TMC7: variants seen among roughly 807,000 people sequenced by gnomAD.
TMC7 encodes the protein transmembrane channel like 7, also known as transmembrane channel-like protein 7.
In TMC7, 54 loss-of-function variants were observed where a neutral mutation model predicts 82.9. The ratio of observed to expected loss-of-function variants is 0.65; its 90% confidence interval spans 0.52 to 0.82. The LOEUF (loss-of-function observed/expected upper bound fraction) is 0.82, where lower values mean the gene tolerates loss of function less well. Among genes scored for constraint, TMC7 ranks in the 40% least tolerant of loss-of-function variants. The pLI is 0.00. For missense variants in TMC7, 820 were observed against 901.2 expected (o/e 0.91, Z 1.15); for synonymous variants, 350 against 337.9 (o/e 1.04, Z -0.39).
intron 1 of TMC7, among the ~76,000 whole-genome samples, chr16:18,999,315 GCTTAATAGTCC>G (rs1296528715): frequency 6.6e-6 from 1 of 152,192 alleles, no homozygotes; most frequent in Non-Finnish European, 1.5e-5. Context: ...TATTTCAATT[GCTTAATAGTCC>G]CATGTGGCCA....
At position 19,030,253 on chromosome 16, in the gene TMC7, C is replaced by T. The variant is rs141948391; in HGVS notation, c.741C>T (p.Tyr247=). The change falls in exon 6 of 16, where the codon TAC becomes TAT. Residue 247 remains tyrosine, a synonymous_variant. Coordinates refer to ENST00000304381, the MANE Select transcript of TMC7 (RefSeq NM_024847.4). The part of the protein sequence containing the change: ...TGFLEETSLF[Y]GHYTIDGVKF... ...TCCTGGAGGAAACTAGCCTCTTTTA[C>T]GGACATTACACCATTGATGGGGTGA... is the stretch of plus-strand genomic sequence containing the variant. The T allele has an allele frequency of 3.2e-5, 52 of 1,612,376 alleles. No homozygotes were observed. In the African/African-American group the frequency reaches 5.2e-4, roughly 16 times the overall value.
At chr16:19,001,625 G>A (rs1264965757) in intron 1 of TMC7, among the ~76,000 whole-genome samples, 2 of 152,196 alleles carry the variant, frequency 1.3e-5, no homozygotes, top group African/African-American at 4.8e-5. Flanking sequence ...CAAGGCTGCA[G>A]TGAGCTATGA....
chr16:19,062,985 C>G lies in TMC7; in HGVS notation c.*1142C>G, dbSNP rs1182423418. 1 of 152,186 alleles carries G rather than the reference C, an allele frequency of 6.6e-6. No homozygotes were observed. Among genetic ancestry groups the G allele is most frequent in the East Asian group, 1.9e-4 (1 of 5,202 alleles). 9.4% of individuals were successfully genotyped at this position (152,186 alleles called of 1,614,324 possible). Reference sequence around the variant, plus strand: ...ATCTCCACTCCACTACTCAAAAATGCCTGAATCCTTGCTCAGAGGAGCAAA... The same window carrying G: ...ATCTCCACTCCACTACTCAAAAATGGCTGAATCCTTGCTCAGAGGAGCAAA... On this transcript the variant is annotated 3_prime_UTR_variant, in exon 16 of 16. Transcript: ENST00000304381.
At chr16:19,036,205 TG>T (rs751772032) in intron 7 of TMC7, among the ~76,000 whole-genome samples, 1 of 152,034 alleles carries the variant, frequency 6.6e-6, no homozygotes, top group Non-Finnish European at 1.5e-5. Flanking sequence ...TAGTGTGAGA[TG>T]GAGAGTATAT....
chr16:18,987,767 G>T (rs1277149760), intron 1 of TMC7, among the ~76,000 whole-genome samples: 1 of 152,102 alleles, frequency 6.6e-6, no homozygotes, highest in South Asian at 2.1e-4. Context: ...ACTGGCAGCC[G>T]TAACATAGTG....
chr16:19,056,353 T>C (rs1286149270), intron 13 of TMC7, among the ~76,000 whole-genome samples, 189 bp from the exon 14 acceptor site: 1 of 152,136 alleles, frequency 6.6e-6, no homozygotes, highest in Non-Finnish European at 1.5e-5. Flanking sequence ...CCCAAAGTGC[T>C]GGGATGACAT....
At chr16:19,000,140 C>G (rs997121665) in intron 1 of TMC7, among the ~76,000 whole-genome samples, 6 of 152,004 alleles carry the variant, frequency 3.9e-5, no homozygotes, top group Non-Finnish European at 8.8e-5. Flanking sequence ...CACAGATTAT[C>G]TGGACACCCT....
intron 6 of TMC7, 84 bp downstream of exon 6, chr16:19,030,453 C>T: frequency 6.8e-7 from 1 of 1,480,584 alleles, no homozygotes; most frequent in Non-Finnish European, 9.0e-7. Context: ...AAGCCATTGC[C>T]TAAAGGATGA....
chr16:19,057,167 G>A (rs1057483629), intron 14 of TMC7, among the ~76,000 whole-genome samples: 1 of 151,850 alleles, frequency 6.6e-6, no homozygotes, highest in Non-Finnish European at 1.5e-5. Context: ...AAATAAACTA[G>A]GCATAATAAT....
At chr16:19,051,870 T>C in intron 13 of TMC7, 54 bp downstream of exon 13, 5 of 1,604,650 alleles carry the variant, frequency 3.1e-6, no homozygotes, top group Non-Finnish European at 4.3e-6. Context: ...CCTCTTCCTC[T>C]TTTATGTAAA....
intron 11 of TMC7, among the ~76,000 whole-genome samples, chr16:19,046,300 T>C (rs2142287203): frequency 6.6e-6 from 1 of 152,300 alleles, no homozygotes; most frequent in Admixed American, 6.5e-5. Context: ...ATCTGTAAAA[T>C]GGGGATAGTA....
chr16:19,021,708 C>T lies in TMC7; in HGVS notation c.540C>T (p.Ile180=), dbSNP rs1202159153. The T allele has an allele frequency of 3.1e-6, 5 of 1,614,078 alleles. No homozygotes were observed. The highest frequency in any genetic ancestry group is 3.3e-5 in the Admixed American group (2 of 59,984). The change falls in exon 4 of 16, where the codon ATC becomes ATT. Residue 180 remains isoleucine (I), a synonymous_variant. Transcript: ENST00000304381. ...LVLLNLVIFL[I]IFMLVLLPVL... is the part of the protein sequence containing the mutation. ...TGCTGAATTTGGTGATATTTCTGATCATCTTTATGCTGGTTTTGCTCCCAG... is the reference window on the plus strand; with the variant it reads ...TGCTGAATTTGGTGATATTTCTGATTATCTTTATGCTGGTTTTGCTCCCAG...
chr16:18,984,115 C>CCGG lies in TMC7; in HGVS notation c.56_58dup (p.Ala19dup), dbSNP rs1415756707. 8.7e-6 allele frequency: 13 copies of CCGG among 1,502,806 alleles called. No homozygotes were observed. The highest frequency in any genetic ancestry group is 1.1e-5 in the Non-Finnish European group (13 of 1,133,878). 93.1% of individuals were successfully genotyped at this position (1,502,806 alleles called of 1,614,324 possible). A position where few individuals can be genotyped will look rare whatever the true frequency, so the allele number is the denominator to read the frequency against. On this transcript the variant is annotated inframe_insertion, in exon 1 of 16. Coordinates refer to ENST00000304381, the MANE Select transcript of TMC7 (RefSeq NM_024847.4). ...CCAGCCCGGCAGGCCCAGCCGGCAG[C>CCGG]CGGCGGTCCATCCAGGTAGGGCGGC...
chr16:19,055,772 C>T (rs190534780), intron 13 of TMC7, among the ~76,000 whole-genome samples: 3 of 152,136 alleles, frequency 2.0e-5, no homozygotes, highest in Admixed American at 1.3e-4. Context: ...AGGTTTGTTA[C>T]CTAGGTAAAT....
rs1273328512 is a variant in TMC7 at position 19,016,484 on chromosome 16, G to A, written c.346G>A (p.Glu116Lys). Residue 116 changes from glutamate (E) to lysine (K), a missense_variant, in exon 3 of 16, where the codon GAA (glutamate) becomes AAA (lysine). Transcript: ENST00000304381. Reference protein sequence around the residue: ...IQETQMKYLSEWDQWKRYSSK... With the variant: ...IQETQMKYLSKWDQWKRYSSK... ...AGAGACACAAATGAAGTATCTCTCCGAATGGGACCAGTGGAAGCGGTATAG... is the reference window on the plus strand; with the variant it reads ...AGAGACACAAATGAAGTATCTCTCCAAATGGGACCAGTGGAAGCGGTATAG... 4.3e-6 allele frequency: 7 copies of A among 1,614,044 alleles called. No homozygotes were observed. Among genetic ancestry groups the A allele is most frequent in the Admixed American group, 1.7e-5 (1 of 59,984 alleles).
At chr16:19,039,539 C>G (rs967235290) in intron 8 of TMC7, among the ~76,000 whole-genome samples, 1 of 152,120 alleles carries the variant, frequency 6.6e-6, no homozygotes, top group Non-Finnish European at 1.5e-5. Flanking sequence ...ACTTATATCC[C>G]CTTGGCCAGA....
Position 19,059,590 on chromosome 16 carries a change from G to A in TMC7, c.2106+96G>A, listed in dbSNP as rs767006340. ...TTTCCTGGGAGGGAGTGAAATTACT[G>A]CAGCCTTCTCTCACCACCACCTCCC... On this transcript the variant is annotated intron_variant, in intron 15 of 15. Transcript: ENST00000304381. 3.1e-6 allele frequency: 5 copies of A among 1,608,830 alleles called. No individual in the cohort carries two copies. In the Admixed American group the frequency reaches 6.8e-5, roughly 22 times the overall value.
rs1328505125 is a variant in TMC7 at position 18,984,054 on chromosome 16, G to C, written c.-10G>C. The C allele has an allele frequency of 6.8e-7, 1 of 1,477,826 alleles. No individual in the cohort carries two copies. Among genetic ancestry groups the C allele is most frequent in the South Asian group, 1.3e-5 (1 of 77,526 alleles). The allele number at this position is 1,477,826 out of a possible 1,614,324, so 91.5% of individuals were successfully genotyped here. On this transcript the variant is annotated 5_prime_UTR_variant, in exon 1 of 16. Transcript: ENST00000304381. ...TCCTCGGCAGCCTCTGAGGAGCGCG[G>C]GGCGCGGCCATGAGCGAGTCCAGCG... is the stretch of plus-strand genomic sequence containing the variant.
chr16:19,021,827 G>T, intron 4 of TMC7, 31 bp downstream of exon 4: 1 of 1,606,664 alleles, frequency 6.2e-7, no homozygotes, highest in South Asian at 1.1e-5. Context: ...ACTACGAAGT[G>T]TGTTTGTTTT....
Sources: gnomAD v4.1 joint callset for allele counts (sites outside exome capture counted in the v4.1 genomes callset) on GRCh38, gnomAD v4.1.1 for gene constraint, MANE v1.5 for transcripts, NCBI Gene and HGNC (gene_info 2026-07-23, HGNC 2026-07-21) for gene names.